The following MAGI1 variants were observed in gnomAD, a reference collection of about 807,000 sequenced individuals.
MAGI1 encodes membrane associated guanylate kinase, WW and PDZ domain containing 1.
In MAGI1, 58 loss-of-function variants were observed where a neutral mutation model predicts 139.9. The observed-to-expected ratio is 0.41, with a 90% CI of 0.34 to 0.52. The LOEUF (loss-of-function observed/expected upper bound fraction) is 0.52. Among genes scored for constraint, MAGI1 ranks in the 20% least tolerant of loss-of-function variants. The pLI, the probability that MAGI1 is intolerant of heterozygous loss-of-function variation, is 0.12. For synonymous variants in MAGI1, 812 were observed against 737.9 expected (o/e 1.10, Z -1.63); for missense variants, 1,874 against 1,901.6 (o/e 0.99, Z 0.27).
chr3:65,510,518 A>G (rs1576107811), intron 2 of MAGI1, among the ~76,000 whole-genome samples: 2 of 150,048 alleles, frequency 1.3e-5, no homozygotes, highest in South Asian at 4.3e-4. Context: ...CAGAAGCCCC[A>G]GGAGCCGATG....
chr3:65,420,051 C>G (rs1192292673), intron 12 of MAGI1, among the ~76,000 whole-genome samples: 2 of 152,284 alleles, frequency 1.3e-5, no homozygotes, highest in Non-Finnish European at 2.9e-5. Flanking sequence ...GCTTGAACTA[C>G]TGCAAAAGCC....
intron 1 of MAGI1, among the ~76,000 whole-genome samples, chr3:65,686,307 G>GT (rs370100551): frequency 6.6e-6 from 1 of 151,960 alleles, no homozygotes; most frequent in Non-Finnish European, 1.5e-5. Context: ...TTGTTTGTTT[G>GT]TTTTTTTGGC....
chr3:65,626,505 G>T (rs550787046), intron 1 of MAGI1, among the ~76,000 whole-genome samples: 2 of 151,940 alleles, frequency 1.3e-5, no homozygotes, highest in South Asian at 4.2e-4. Flanking sequence ...TTAAATTTTT[G>T]TAGATACAGG....
intron 1 of MAGI1, among the ~76,000 whole-genome samples, chr3:65,846,971 T>A (rs75966963): frequency 0.066 from 3,885 of 59,066 alleles, 91 homozygotes; most frequent in East Asian, 0.11. Flanking sequence ...AATAGCAATG[T>A]CTTACAAAAA....
At chr3:65,426,192 C>T (rs1947031961) in intron 12 of MAGI1, among the ~76,000 whole-genome samples, 1 of 152,094 alleles carries the variant, frequency 6.6e-6, no homozygotes, top group South Asian at 2.1e-4. Context: ...CAGGACTGGT[C>T]CCGGCTACTT....
intron 12 of MAGI1, among the ~76,000 whole-genome samples, chr3:65,428,113 G>A (rs184719597): frequency 7.4e-4 from 112 of 152,220 alleles, no homozygotes; most frequent in African/African-American, 2.2e-3. Context: ...CATTCTGATC[G>A]CAGAACACAC....
intron 2 of MAGI1, among the ~76,000 whole-genome samples, chr3:65,581,125 C>T (rs1212302375): frequency 6.6e-6 from 1 of 152,110 alleles, no homozygotes; most frequent in Admixed American, 6.6e-5. Context: ...GTGCAAGCCT[C>T]ATAACTGGTC....
At chr3:66,006,426 T>C (rs2067013500) in intron 1 of MAGI1, among the ~76,000 whole-genome samples, 1 of 152,302 alleles carries the variant, frequency 6.6e-6, no homozygotes, top group Admixed American at 6.5e-5. Context: ...GTGACACATA[T>C]ATACACACAT....
intron 5 of MAGI1, among the ~76,000 whole-genome samples, chr3:65,466,562 T>C (rs1950186152): frequency 1.3e-5 from 2 of 152,106 alleles, no homozygotes; most frequent in African/African-American, 2.4e-5. Flanking sequence ...TATCTCACTA[T>C]TGCTCCCAAG....
At chr3:65,804,637 C>T (rs973494687) in intron 1 of MAGI1, among the ~76,000 whole-genome samples, 29 of 151,998 alleles carry the variant, frequency 1.9e-4, no homozygotes, top group Admixed American at 5.2e-4. Context: ...GCAATGTAAA[C>T]GGACCGTAGC....
intron 12 of MAGI1, among the ~76,000 whole-genome samples, chr3:65,423,786 G>A (rs1226274486): frequency 1.3e-5 from 2 of 152,176 alleles, no homozygotes; most frequent in Admixed American, 6.5e-5. Flanking sequence ...TACTTCAGAG[G>A]ACTCTTATGA....
At chr3:65,921,329 A>G (rs1243718930) in intron 1 of MAGI1, among the ~76,000 whole-genome samples, 2 of 149,080 alleles carry the variant, frequency 1.3e-5, no homozygotes, top group African/African-American at 4.9e-5. Flanking sequence ...TTTTTTTGAG[A>G]CAGGGTCTCA....
rs138244134 is a variant in MAGI1 at position 65,875,486 on chromosome 3, A to T, written c.313+162510T>A. 1.0e-3 allele frequency among the ~76,000 whole-genome samples: 155 copies of T among 152,304 alleles called. 1 individual carries two copies. In the Middle Eastern group the frequency reaches 0.01, roughly 10 times the overall value. ...AAATTTACAAAATGTTTTTTACAAA[A>T]CCCTTAAGGCTACTGAGGTTGCATG... On this transcript the variant is annotated intron_variant, in intron 1 of 22. Coordinates refer to ENST00000402939, the MANE Select transcript of MAGI1 (RefSeq NM_001033057.2).
At chr3:65,611,187 T>G (rs2083074055) in intron 2 of MAGI1, among the ~76,000 whole-genome samples, 1 of 141,560 alleles carries the variant, frequency 7.1e-6, no homozygotes. Context: ...TATACACATA[T>G]GGTATATATG....
chr3:65,786,234 C>G (rs552587402), intron 1 of MAGI1, among the ~76,000 whole-genome samples: 23 of 149,488 alleles, frequency 1.5e-4, no homozygotes, highest in African/African-American at 5.7e-4. Flanking sequence ...GGGATTACCA[C>G]GCCCAGCCAA....
chr3:66,013,881 T>A (rs898447353), intron 1 of MAGI1, among the ~76,000 whole-genome samples: 2 of 152,162 alleles, frequency 1.3e-5, no homozygotes, highest in South Asian at 4.1e-4. Flanking sequence ...ATGATTTGAC[T>A]GAAGACTTAT....
chr3:65,519,697 T>C (rs1017912237), intron 2 of MAGI1, among the ~76,000 whole-genome samples: 1 of 152,154 alleles, frequency 6.6e-6, no homozygotes, highest in Non-Finnish European at 1.5e-5. Flanking sequence ...ACTTAGATTT[T>C]AAAGAGATCA....
intron 12 of MAGI1, among the ~76,000 whole-genome samples, chr3:65,402,461 T>C (rs927989667): frequency 1.3e-5 from 2 of 152,118 alleles, no homozygotes; most frequent in African/African-American, 4.8e-5. Flanking sequence ...AAGCGTACAC[T>C]GGTGTTTCAA....
chr3:65,399,912 C>T (rs1335672150), intron 13 of MAGI1, among the ~76,000 whole-genome samples: 2 of 152,150 alleles, frequency 1.3e-5, no homozygotes, highest in Admixed American at 6.5e-5. Context: ...GCTACCTGTG[C>T]AAAACTACTA....
Sources: gnomAD v4.1 joint callset for allele counts (sites outside exome capture counted in the v4.1 genomes callset) on GRCh38, gnomAD v4.1.1 for gene constraint, MANE v1.5 for transcripts, NCBI Gene and HGNC (gene_info 2026-07-23, HGNC 2026-07-21) for gene names.